ARHGAP26: variants seen among roughly 807,000 people sequenced by gnomAD.
The protein encoded by ARHGAP26 is Rho GTPase activating protein 26.
Under a neutral mutation model 104.8 loss-of-function variants are expected in ARHGAP26, and 38 were observed. That is an observed-to-expected ratio of 0.36 (90% CI 0.28 to 0.48). ARHGAP26 has a LOEUF of 0.48. Among genes scored for constraint, ARHGAP26 ranks in the 20% least tolerant of loss-of-function variants. ARHGAP26 has a pLI of 0.99. For missense variants in ARHGAP26, 704 were observed against 947.9 expected (o/e 0.74, Z 3.38); for synonymous variants, 341 against 340.0 (o/e 1.00, Z -0.03).
rs550240477 is a variant in ARHGAP26 at position 143,029,950 on chromosome 5, C to T, written c.1145-7246C>T. Among the ~76,000 whole-genome samples, 390 of 152,252 alleles carry T rather than the reference C, an allele frequency of 2.6e-3. 1 individual carries two copies. The highest frequency in any genetic ancestry group is 9.1e-3 in the African/African-American group (378 of 41,562). Reference sequence around the variant, plus strand: ...CTCTCCTTTGGATGAGGATTTCCCTCCCCAGGGTTTGGTTAGAATTCCAGG... The same window carrying T: ...CTCTCCTTTGGATGAGGATTTCCCTTCCCAGGGTTTGGTTAGAATTCCAGG... On this transcript the variant is annotated intron_variant, in intron 12 of 22. Transcript: ENST00000645722.
intron 17 of ARHGAP26, among the ~76,000 whole-genome samples, chr5:143,106,329 G>T (rs544955306): frequency 6.6e-6 from 1 of 152,278 alleles, no homozygotes; most frequent in East Asian, 1.9e-4. Flanking sequence ...AAGCCACAGG[G>T]TGTTCGCATC....
intron 11 of ARHGAP26, among the ~76,000 whole-genome samples, chr5:142,946,208 G>T (rs542378401): frequency 3.3e-5 from 5 of 152,168 alleles, no homozygotes; most frequent in Admixed American, 6.5e-5. Context: ...TACATCTATT[G>T]CTTTTGAACA....
At chr5:143,105,863 T>A (rs1449768576) in intron 17 of ARHGAP26, among the ~76,000 whole-genome samples, 1 of 152,236 alleles carries the variant, frequency 6.6e-6, no homozygotes, top group Non-Finnish European at 1.5e-5. Flanking sequence ...ACTCACTGTT[T>A]GTTTTTAAGT....
At chr5:143,221,300 GAGA>G (rs1247397655) in intron 22 of ARHGAP26, among the ~76,000 whole-genome samples, 1 of 151,878 alleles carries the variant, frequency 6.6e-6, no homozygotes, top group Non-Finnish European at 1.5e-5. Context: ...GAGGGAGGAA[GAGA>G]AGAATTTTCA....
At chr5:143,145,478 T>G (rs1799043789) in intron 19 of ARHGAP26, among the ~76,000 whole-genome samples, 1 of 152,182 alleles carries the variant, frequency 6.6e-6, no homozygotes, top group Non-Finnish European at 1.5e-5. Context: ...GCGTGTCTTG[T>G]GAAAAGGAAA....
At position 143,227,186 on chromosome 5, in the gene ARHGAP26, C is replaced by T. The variant is rs1339613785; in HGVS notation, c.*4740C>T. On this transcript the variant is annotated 3_prime_UTR_variant, in exon 23 of 23. Coordinates refer to ENST00000645722, the MANE Select transcript of ARHGAP26 (RefSeq NM_001135608.3). ...GAGACAGCAGTGGCCACCATGGCAC[C>T]CAGAGTTTGCCCAAGTACTGAATGT... is the stretch of plus-strand genomic sequence containing the variant. The T allele has an allele frequency of 8.7e-6, 2 of 230,016 alleles. No homozygotes were observed. The highest frequency in any genetic ancestry group is 4.4e-5 in the African/African-American group (2 of 45,108). The allele number at this position is 230,016 out of a possible 1,614,324, so 14.2% of individuals were successfully genotyped here. A position where few individuals can be genotyped will look rare whatever the true frequency, so the allele number is the denominator to read the frequency against.
intron 1 of ARHGAP26, among the ~76,000 whole-genome samples, chr5:142,785,868 T>C (rs1758473826): frequency 6.6e-6 from 1 of 152,148 alleles, no homozygotes; most frequent in Non-Finnish European, 1.5e-5. Context: ...CTTCTTTTTC[T>C]TTCCCTTCAC....
intron 20 of ARHGAP26, among the ~76,000 whole-genome samples, chr5:143,181,113 C>G (rs747033812): frequency 9.9e-5 from 15 of 152,236 alleles, no homozygotes; most frequent in Non-Finnish European, 1.8e-4. Flanking sequence ...CCTTGGCCAT[C>G]TGGCCTTCCT....
At chr5:142,834,759 G>A (rs1287818615) in intron 1 of ARHGAP26, among the ~76,000 whole-genome samples, 1 of 152,226 alleles carries the variant, frequency 6.6e-6, no homozygotes, top group African/African-American at 2.4e-5. Context: ...GCCACATTCT[G>A]TTGGCCAAAA....
At chr5:142,887,964 C>CA (rs1028279404) in intron 5 of ARHGAP26, among the ~76,000 whole-genome samples, 13 of 151,108 alleles carry the variant, frequency 8.6e-5, no homozygotes, top group South Asian at 2.1e-4. Context: ...GACTCTTTCT[C>CA]AAAAAAAACC....
At chr5:143,011,605 A>G (rs1469665774) in intron 11 of ARHGAP26, among the ~76,000 whole-genome samples, 2 of 152,164 alleles carry the variant, frequency 1.3e-5, no homozygotes, top group Non-Finnish European at 2.9e-5. Context: ...CAATAGCCAC[A>G]TGAGTAAAAT....
intron 11 of ARHGAP26, among the ~76,000 whole-genome samples, chr5:142,991,874 C>T (rs1775670588): frequency 6.6e-6 from 1 of 152,186 alleles, no homozygotes; most frequent in Admixed American, 6.5e-5. Flanking sequence ...TTAAGTGAGG[C>T]ATGACTGTAT....
chr5:142,799,659 G>A (rs1761672903), intron 1 of ARHGAP26, among the ~76,000 whole-genome samples: 1 of 152,222 alleles, frequency 6.6e-6, no homozygotes, highest in Admixed American at 6.5e-5. Context: ...TGAGGGCCCA[G>A]CATCTGGTGA....
chr5:143,066,210 G>A (rs574574559), intron 17 of ARHGAP26, among the ~76,000 whole-genome samples: 1 of 152,320 alleles, frequency 6.6e-6, no homozygotes, highest in South Asian at 2.1e-4. Flanking sequence ...TGCTGTGTGG[G>A]TTTGTAGCCG....
At chr5:142,815,445 C>G (rs1334453965) in intron 1 of ARHGAP26, among the ~76,000 whole-genome samples, 1 of 152,204 alleles carries the variant, frequency 6.6e-6, no homozygotes, top group African/African-American at 2.4e-5. Context: ...GAGGACATTT[C>G]TTTTAAATGG....
At chr5:143,155,065 A>T (rs777610982) in intron 20 of ARHGAP26, among the ~76,000 whole-genome samples, 1 of 151,982 alleles carries the variant, frequency 6.6e-6, no homozygotes, top group African/African-American at 2.4e-5. Flanking sequence ...TTTCTCACCC[A>T]CCTCCAAGCA....
At chr5:143,077,733 G>C (rs78220836) in intron 17 of ARHGAP26, among the ~76,000 whole-genome samples, 127 of 152,362 alleles carry the variant, frequency 8.3e-4, no homozygotes, top group African/African-American at 3.0e-3. Context: ...TCTGACTGTT[G>C]TGAGCAATTT....
At chr5:142,999,029 C>T (rs1776828035) in intron 11 of ARHGAP26, among the ~76,000 whole-genome samples, 1 of 152,052 alleles carries the variant, frequency 6.6e-6, no homozygotes. Context: ...CCCTTCAGGA[C>T]CTAAAGGGGT....
intron 11 of ARHGAP26, among the ~76,000 whole-genome samples, chr5:142,936,561 A>G (rs1765447404): frequency 6.6e-6 from 1 of 152,216 alleles, no homozygotes; most frequent in African/African-American, 2.4e-5. Flanking sequence ...AAACCAAAAT[A>G]GATAAAACAA....
Sources: gnomAD v4.1 joint callset for allele counts (sites outside exome capture counted in the v4.1 genomes callset) on GRCh38, gnomAD v4.1.1 for gene constraint, MANE v1.5 for transcripts, NCBI Gene and HGNC (gene_info 2026-07-23, HGNC 2026-07-21) for gene names.